Variants in IPCEF1 observed in about 807,000 individuals in gnomAD.
The protein encoded by IPCEF1 is interactor protein for cytohesin exchange factors 1.
IPCEF1 carries 31 observed loss-of-function variants against 50.9 expected under a neutral mutation model. The observed-to-expected ratio is 0.61, with a 90% confidence interval of 0.46 to 0.82. IPCEF1 has a LOEUF of 0.82. Ranked by LOEUF, IPCEF1 falls within the 40% of genes least tolerant of loss-of-function variation. The pLI, the probability that IPCEF1 is intolerant of heterozygous loss-of-function variation, is 0.00. For missense variants in IPCEF1, 458 were observed against 514.0 expected, an observed-to-expected ratio of 0.89 and a Z score of 1.05; for synonymous variants, 181 against 192.0, an observed-to-expected ratio of 0.94 and a Z score of 0.47.
At chr6:154,277,244 G>T (rs541997916) in intron 2 of IPCEF1, among the ~76,000 whole-genome samples, 1 of 152,286 alleles carries the variant, frequency 6.6e-6, no homozygotes, top group South Asian at 2.1e-4. Context: ...ATCTGGGTTA[G>T]TGTCTCCAAA....
intron 1 of IPCEF1, among the ~76,000 whole-genome samples, chr6:154,297,111 C>G (rs568667519): frequency 6.6e-6 from 1 of 151,906 alleles, no homozygotes; most frequent in Admixed American, 6.6e-5. Flanking sequence ...GATCATGGCT[C>G]GCTACAGTTG....
chr6:154,257,866 C>A (rs551719185), intron 3 of IPCEF1, among the ~76,000 whole-genome samples: 13 of 152,100 alleles, frequency 8.5e-5, no homozygotes, highest in Admixed American at 8.5e-4. Context: ...GGACATCTGG[C>A]TAATTTTTTA....
In IPCEF1 at chr6:154,168,119, T is replaced by TG. The variant is rs1267671014; in HGVS notation, c.911-7dup. ...TTCAGACACTTTTGTCTCTTCTATT[T>TG]GAAAAAAAAAAAGAAAGCAGTAACA... On this transcript the variant is annotated splice_region_variant and splice_polypyrimidine_tract_variant and intron_variant, in intron 10 of 11. Coordinates refer to ENST00000367220, the MANE Select transcript of IPCEF1 (RefSeq NM_001130700.2). This position sits in a 1 kb window ranked among gnomAD's most constrained non-coding sequence, Gnocchi z 4.1. The TG allele has an allele frequency of 6.6e-7, 1 of 1,515,910 alleles. No individual in the cohort carries two copies. Among genetic ancestry groups the TG allele is most frequent in the Admixed American group, 2.0e-5 (1 of 48,826 alleles). 93.9% of individuals were successfully genotyped at this position (1,515,910 alleles called of 1,614,324 possible).
At chr6:154,273,828 G>A (rs1210942469) in intron 2 of IPCEF1, among the ~76,000 whole-genome samples, 7 of 127,978 alleles carry the variant, frequency 5.5e-5, no homozygotes, top group Admixed American at 2.8e-4. Context: ...ATCTCGGCTC[G>A]CTGCAAGCTC....
chr6:154,293,655 C>T (rs1048109042), intron 1 of IPCEF1, among the ~76,000 whole-genome samples: 3 of 152,192 alleles, frequency 2.0e-5, no homozygotes, highest in African/African-American at 7.2e-5. Flanking sequence ...AAAAAATGAA[C>T]TATCTTTTCC....
In IPCEF1 at chr6:154,356,737, C is replaced by G. The variant is rs1056775956; in HGVS notation, c.-127G>C. On this transcript the variant is annotated 5_prime_UTR_variant, in exon 1 of 12. Coordinates refer to ENST00000367220, the MANE Select transcript of IPCEF1 (RefSeq NM_001130700.2). ...CTGGATTCAGAAGCCTCATAGTACT[C>G]TGAGGCCAAGCTTGAGGATTCTACT... 4.6e-5 allele frequency: 7 copies of G among 152,210 alleles called. No homozygotes were observed. The highest frequency in any genetic ancestry group is 2.1e-4 in the South Asian group (1 of 4,832). 9.4% of individuals were successfully genotyped at this position (152,210 alleles called of 1,614,324 possible). A position where few individuals can be genotyped will look rare whatever the true frequency, so the allele number is the denominator to read the frequency against.
intron 5 of IPCEF1, among the ~76,000 whole-genome samples, chr6:154,231,582 G>A (rs900865142): frequency 1.3e-5 from 2 of 152,212 alleles, no homozygotes; most frequent in Admixed American, 6.5e-5. Flanking sequence ...CAATCTCTAG[G>A]ACATAGTGAG....
chr6:154,320,203 G>A (rs1583985388), intron 1 of IPCEF1, among the ~76,000 whole-genome samples: 1 of 152,202 alleles, frequency 6.6e-6, no homozygotes, highest in East Asian at 1.9e-4. Context: ...AATCCTAGAC[G>A]CTAACCATGT....
intron 1 of IPCEF1, among the ~76,000 whole-genome samples, chr6:154,318,559 T>C (rs1284828853): frequency 6.6e-6 from 1 of 151,800 alleles, no homozygotes; most frequent in African/African-American, 2.4e-5. Context: ...TTTAACAATA[T>C]GTATTTTCTT....
chr6:154,244,656 T>G (rs1388524485), intron 5 of IPCEF1, among the ~76,000 whole-genome samples: 1 of 152,198 alleles, frequency 6.6e-6, no homozygotes, highest in African/African-American at 2.4e-5. Context: ...GGTAACTCAT[T>G]TCTCCTCTAA....
intron 1 of IPCEF1, among the ~76,000 whole-genome samples, chr6:154,294,936 T>G (rs148320065): frequency 6.6e-6 from 1 of 152,164 alleles, no homozygotes; most frequent in Non-Finnish European, 1.5e-5. Context: ...TGGTAACTCA[T>G]GCCTGTAATC....
At chr6:154,252,439 G>C (rs2128646641) in intron 3 of IPCEF1, among the ~76,000 whole-genome samples, 1 of 152,294 alleles carries the variant, frequency 6.6e-6, no homozygotes, top group Non-Finnish European at 1.5e-5. Context: ...CACTTTGGGA[G>C]GCCAGGGTGG....
In IPCEF1 at chr6:154,206,370, T is replaced by C. The variant is rs1406121791; in HGVS notation, c.538-6330A>G. On this transcript the variant is annotated intron_variant, in intron 9 of 11. Transcript: ENST00000367220. ...TATATTTCTCATTCACATGGGGAAA[T>C]ATTTGTGGAACAAGAAATTTGCGGG... 6.5e-4 allele frequency among the ~76,000 whole-genome samples: 99 copies of C among 152,146 alleles called. 2 individuals carry two copies. The highest frequency in any genetic ancestry group is 6.5e-3 in the Admixed American group (99 of 15,274).
intron 1 of IPCEF1, among the ~76,000 whole-genome samples, chr6:154,355,988 G>C (rs1214178340): frequency 1.3e-5 from 2 of 151,916 alleles, no homozygotes; most frequent in African/African-American, 4.8e-5. Flanking sequence ...TAAATAACTC[G>C]ATAGAAATTA....
At chr6:154,351,991 G>T (rs913612264) in intron 1 of IPCEF1, among the ~76,000 whole-genome samples, 5 of 152,190 alleles carry the variant, frequency 3.3e-5, no homozygotes, top group African/African-American at 7.2e-5. Flanking sequence ...AGGGCCGGGG[G>T]AGAGGGAGAG....
At chr6:154,161,690 G>A (rs1436311455) in intron 11 of IPCEF1, among the ~76,000 whole-genome samples, 1 of 152,112 alleles carries the variant, frequency 6.6e-6, no homozygotes, top group African/African-American at 2.4e-5. Flanking sequence ...GTAAGTCATG[G>A]CCCCTCTTCT....
chr6:154,201,067 T>A (rs1325213109), intron 9 of IPCEF1, among the ~76,000 whole-genome samples: 3 of 152,208 alleles, frequency 2.0e-5, no homozygotes, highest in Non-Finnish European at 2.9e-5. Context: ...CACTCACTCT[T>A]TCTGCTGCCA....
At chr6:154,192,397 A>G (rs1313163515) in intron 10 of IPCEF1, among the ~76,000 whole-genome samples, 1 of 151,698 alleles carries the variant, frequency 6.6e-6, no homozygotes, top group African/African-American at 2.4e-5. Context: ...TAGAGAGAGA[A>G]CACTCTTCTA....
At chr6:154,326,695 A>C (rs1439554403) in intron 1 of IPCEF1, among the ~76,000 whole-genome samples, 1 of 152,228 alleles carries the variant, frequency 6.6e-6, no homozygotes. Flanking sequence ...GACATTCTTC[A>C]CAGAATTAGA....
Sources: allele counts gnomAD v4.1 joint callset (sites outside exome capture counted in the v4.1 genomes callset), GRCh38; gene constraint gnomAD v4.1.1; non-coding constraint Gnocchi (gnomAD v3.1); transcripts MANE v1.5; gene names NCBI Gene and HGNC (gene_info 2026-07-23, HGNC 2026-07-21).